PRUNE2: variants seen among roughly 807,000 people sequenced by gnomAD.
PRUNE2 encodes the protein prune homolog 2 with BCH domain.
In PRUNE2, 164 loss-of-function variants were observed where a neutral mutation model predicts 252.0. That is an observed-to-expected ratio of 0.65 (90% confidence interval 0.57 to 0.74). The LOEUF is 0.74. Among genes scored for constraint, PRUNE2 ranks in the 30% least tolerant of loss-of-function variants. The probability of loss-of-function intolerance (pLI) is 0.00; values close to 1 mark genes in which losing one functional copy is unlikely to be tolerated. For synonymous variants in PRUNE2, 1,292 were observed against 1,350.2 expected (o/e 0.96, Z 0.94); for missense variants, 3,495 against 3,711.0 (o/e 0.94, Z 1.51).
At chr9:76,865,204 G>A (rs1296188209) in intron 1 of PRUNE2, among the ~76,000 whole-genome samples, 3 of 152,090 alleles carry the variant, frequency 2.0e-5, no homozygotes, top group Non-Finnish European at 4.4e-5. Context: ...TTTAAAATAT[G>A]TTTTACAGCC....
intron 6 of PRUNE2, among the ~76,000 whole-genome samples, chr9:76,729,587 G>T (rs904521984): frequency 1.3e-5 from 2 of 152,022 alleles, no homozygotes; most frequent in Non-Finnish European, 2.9e-5. Context: ...TATATTAGCT[G>T]ATATGATTAG....
intron 9 of PRUNE2, among the ~76,000 whole-genome samples, chr9:76,701,869 G>A (rs2045914362): frequency 6.6e-6 from 1 of 152,036 alleles, no homozygotes; most frequent in African/African-American, 2.4e-5. Context: ...AATACTGCAG[G>A]AAGCCTTGAG....
At chr9:76,821,640 C>T (rs927114698) in intron 6 of PRUNE2, among the ~76,000 whole-genome samples, 6 of 151,956 alleles carry the variant, frequency 3.9e-5, no homozygotes, top group African/African-American at 1.5e-4. Context: ...AAACTGTGTA[C>T]CCTTCTTTAT....
In PRUNE2 at chr9:76,850,606, G is replaced by A. The variant is rs146822992; in HGVS notation, c.201C>T (p.Asn67=). Residue 67 remains asparagine, a synonymous_variant, in exon 3 of 19, where the codon AAC becomes AAT. Transcript: ENST00000376718. ...AAATAAACCTCGTCTCGGTGAAGTA[G>A]TTGAATTCAGTTCTTGGTATGTTCA... The part of the protein sequence containing the change: ...PVLNIPRTEF[N]YFTETRFILE... The A allele has an allele frequency of 2.2e-5, 36 of 1,614,072 alleles. No individual in the cohort carries two copies. In the African/African-American group the frequency reaches 4.8e-4, roughly 22 times the overall value.
At position 76,710,547 on chromosome 9, in the gene PRUNE2, C is replaced by T. The variant is rs1212946972; in HGVS notation, c.1727G>A (p.Ser576Asn). Residue 576 changes from serine to asparagine, a missense_variant, in exon 8 of 19, where the codon AGT becomes AAT. Ser to Asn is a conservative substitution (Grantham distance 46). Coordinates refer to ENST00000376718, the MANE Select transcript of PRUNE2 (RefSeq NM_015225.3). ...ATTTCTTTCAGAGTTATCTCTGGGA[C>T]TGTCTTGTCTCTGGACAAACTCCTC... ...HDEEFVQRQD[S>N]PRDNSERNLS... 1.9e-6 allele frequency: 3 copies of T among 1,613,962 alleles called. No homozygotes were observed. The highest frequency in any genetic ancestry group is 1.1e-5 in the South Asian group (1 of 91,066).
In PRUNE2 at chr9:76,703,544, T is replaced by C; in HGVS notation, c.8069A>G (p.Glu2690Gly). Residue 2690 changes from glutamate (E) to glycine (G), a missense_variant, in exon 9 of 19, where the codon GAA becomes GGA. By Grantham distance (98) the Glu-to-Gly change is moderately conservative. Transcript: ENST00000376718. ...MKPLESLALE[E>G]ASGPVSQSQK... The stretch of plus-strand genomic sequence containing the variant: ...TGATTGGCTGACTGGACCAGAGGCT[T>C]CCTCTAGTGCCAAAGATTCTAGAGG... 1 of 1,613,836 alleles carries C rather than the reference T, an allele frequency of 6.2e-7. No individual in the cohort carries two copies. Among genetic ancestry groups the C allele is most frequent in the Non-Finnish European group, 8.5e-7 (1 of 1,179,834 alleles).
intron 9 of PRUNE2, among the ~76,000 whole-genome samples, chr9:76,696,406 C>A (rs1211175321): frequency 6.6e-6 from 1 of 152,014 alleles, no homozygotes; most frequent in Non-Finnish European, 1.5e-5. Context: ...TGCTTTCTGC[C>A]CCAAGCCTCC....
In PRUNE2 at chr9:76,613,970, T is replaced by C. The variant is rs1007413566; in HGVS notation, c.*600A>G. On this transcript the variant is annotated 3_prime_UTR_variant, in exon 19 of 19. Transcript: ENST00000376718. The stretch of plus-strand genomic sequence containing the variant: ...ATAATGCCCAATTTGACAACTAAAA[T>C]AAAGTTGACGTGGATTAGAAAGCCC... 1.3e-5 allele frequency: 2 copies of C among 152,198 alleles called. No homozygotes were observed. Among genetic ancestry groups the C allele is most frequent in the African/African-American group, 4.8e-5 (2 of 41,444 alleles). The allele number at this position is 152,198 out of a possible 1,614,324, so 9.4% of individuals were successfully genotyped here.
rs769064621 is a variant in PRUNE2, at chr9:76,706,348, G to A, written c.5926C>T (p.His1976Tyr). 1.4e-5 allele frequency: 23 copies of A among 1,613,868 alleles called. No homozygotes were observed. Among genetic ancestry groups the A allele is most frequent in the Non-Finnish European group, 1.9e-5 (23 of 1,179,882 alleles). The change falls in exon 8 of 19, where the codon CAC becomes TAC. Residue 1976 changes from histidine to tyrosine, a missense_variant. By Grantham distance (83) the His-to-Tyr change is moderately conservative. Transcript: ENST00000376718. ...GTAACACAACTATTTTCCTCTGCGT[G>A]AGTAAAGGCTGTGTCCGGATGATCA... Reference protein sequence around the residue: ...VCDHPDTAFTHAEENSCVTSN... With the variant: ...VCDHPDTAFTYAEENSCVTSN...
In PRUNE2 at chr9:76,805,273, C is replaced by T. The variant is rs12339473; in HGVS notation, c.756+18359G>A. Reference sequence around the variant, plus strand: ...GCCTGTCCTAGCCCGACTCCTACCACGAGTCAGCTCAGGCAAGACCAGCAG... The same window carrying T: ...GCCTGTCCTAGCCCGACTCCTACCATGAGTCAGCTCAGGCAAGACCAGCAG... On this transcript the variant is annotated intron_variant, in intron 6 of 18. Transcript: ENST00000376718. 4.7e-3 allele frequency among the ~76,000 whole-genome samples: 719 copies of T among 152,294 alleles called. 3 individuals carry two copies. The highest frequency in any genetic ancestry group is 0.015 in the African/African-American group (644 of 41,550).
intron 17 of PRUNE2, among the ~76,000 whole-genome samples, chr9:76,621,360 C>T (rs574743902): frequency 1.4e-4 from 22 of 152,256 alleles, no homozygotes; most frequent in African/African-American, 5.3e-4. Flanking sequence ...TTGCTGGTGG[C>T]CGAGATGGTG....
intron 9 of PRUNE2, among the ~76,000 whole-genome samples, chr9:76,666,167 T>C (rs776289808): frequency 4.7e-4 from 72 of 152,238 alleles, no homozygotes; most frequent in Non-Finnish European, 8.4e-4. Flanking sequence ...CTAGCGGTAA[T>C]GCCAGGGCCT....
chr9:76,762,377 T>A lies in PRUNE2; in HGVS notation c.757-48656A>T, dbSNP rs187626273. 2.0e-5 allele frequency among the ~76,000 whole-genome samples: 3 copies of A among 152,322 alleles called. No individual in the cohort carries two copies. The East Asian group carries it at 5.8e-4, about 29-fold the overall frequency. Reference sequence around the variant, plus strand: ...AACCTATTAATAAGGGAGGCAGGAATGGCGGTTGCAGAAATGTGCGCAGAG... The same window carrying A: ...AACCTATTAATAAGGGAGGCAGGAAAGGCGGTTGCAGAAATGTGCGCAGAG... On this transcript the variant is annotated intron_variant, in intron 6 of 18. Transcript: ENST00000376718.
At chr9:76,689,868 T>A (rs1456114338) in intron 9 of PRUNE2, among the ~76,000 whole-genome samples, 3 of 152,140 alleles carry the variant, frequency 2.0e-5, no homozygotes, top group Non-Finnish European at 4.4e-5. Context: ...GCAGTTGAAT[T>A]TCAGGATTCA....
intron 1 of PRUNE2, among the ~76,000 whole-genome samples, chr9:76,889,509 G>A (rs548980638): frequency 1.3e-5 from 2 of 151,940 alleles, no homozygotes; most frequent in South Asian, 2.1e-4. Context: ...TAGTAGAAAC[G>A]AGGTCTCGCT....
At chr9:76,817,855 T>G (rs1447116231) in intron 6 of PRUNE2, 6 of 152,184 alleles carry the variant, frequency 3.9e-5, no homozygotes, top group Non-Finnish European at 8.8e-5. Context: ...GCACTCACCA[T>G]CATCAACTTT....
intron 6 of PRUNE2, among the ~76,000 whole-genome samples, chr9:76,753,287 C>T (rs922586837): frequency 3.3e-5 from 5 of 152,142 alleles, no homozygotes; most frequent in African/African-American, 1.2e-4. Context: ...CTCAACCTCC[C>T]AAAGTACTGG....
At chr9:76,827,246 T>G (rs984284559) in intron 4 of PRUNE2, among the ~76,000 whole-genome samples, 2 of 152,208 alleles carry the variant, frequency 1.3e-5, no homozygotes, top group Non-Finnish European at 2.9e-5. Context: ...ACAAGGTGGC[T>G]AACCTGACGT....
chr9:76,818,993 G>A (rs897553244), intron 6 of PRUNE2, among the ~76,000 whole-genome samples: 1 of 152,178 alleles, frequency 6.6e-6, no homozygotes, highest in South Asian at 2.1e-4. Flanking sequence ...GCTCATGCCT[G>A]TAATCCCAGC....
Sources: gnomAD v4.1 joint callset for allele counts (sites outside exome capture counted in the v4.1 genomes callset) on GRCh38, gnomAD v4.1.1 for gene constraint, MANE v1.5 for transcripts, NCBI Gene and HGNC (gene_info 2026-07-23, HGNC 2026-07-21) for gene names.